SIPA1L1: variants seen among roughly 807,000 people sequenced by gnomAD.
SIPA1L1 encodes signal-induced proliferation-associated 1-like protein 1.
SIPA1L1 carries 26 observed loss-of-function variants against 162.7 expected under a neutral mutation model. The observed-to-expected ratio is 0.16, with a 90% CI of 0.12 to 0.22. The LOEUF (loss-of-function observed/expected upper bound fraction) is 0.22, where lower values mean the gene tolerates loss of function less well. Ranked by LOEUF, SIPA1L1 falls within the 10% of genes least tolerant of loss-of-function variation. The pLI is 1.00. For synonymous variants in SIPA1L1, 829 were observed against 837.4 expected, an observed-to-expected ratio of 0.99 and a Z score of 0.17; for missense variants, 1,874 against 2,241.0, an observed-to-expected ratio of 0.84 and a Z score of 3.31.
chr14:71,553,294 T>C (rs1316119563), intron 4 of SIPA1L1, among the ~76,000 whole-genome samples: 1 of 152,222 alleles, frequency 6.6e-6, no homozygotes, highest in Non-Finnish European at 1.5e-5. Flanking sequence ...TTTCTATAAT[T>C]CCACAGTACA....
chr14:71,511,666 G>C (rs1471734043), intron 2 of SIPA1L1, among the ~76,000 whole-genome samples: 1 of 152,128 alleles, frequency 6.6e-6, no homozygotes, highest in Admixed American at 6.6e-5. Flanking sequence ...TGACCTCTCA[G>C]GAGTGATAAG....
chr14:71,669,260 A>G (rs539046023), intron 10 of SIPA1L1, among the ~76,000 whole-genome samples: 13 of 152,304 alleles, frequency 8.5e-5, no homozygotes, highest in African/African-American at 3.1e-4. Flanking sequence ...AATTATTGGT[A>G]GGTTTTCAGT....
chr14:71,655,049 A>T (rs934229036), intron 8 of SIPA1L1, among the ~76,000 whole-genome samples: 1 of 152,146 alleles, frequency 6.6e-6, no homozygotes, highest in Non-Finnish European at 1.5e-5. Flanking sequence ...TCTATTAGCC[A>T]AATAGTGAGC....
intron 4 of SIPA1L1, among the ~76,000 whole-genome samples, chr14:71,585,733 T>C (rs952139025): frequency 3.3e-5 from 5 of 152,194 alleles, no homozygotes; most frequent in African/African-American, 1.2e-4. Context: ...TTGTGAGAAA[T>C]GTTGAAAGCA....
At chr14:71,699,949 G>C (rs928700839) in intron 14 of SIPA1L1, among the ~76,000 whole-genome samples, 17 of 152,152 alleles carry the variant, frequency 1.1e-4, no homozygotes, top group African/African-American at 3.9e-4. Flanking sequence ...ACTACTAAAT[G>C]CTTCTCTGAA....
intron 4 of SIPA1L1, among the ~76,000 whole-genome samples, chr14:71,549,783 C>T (rs2093293461): frequency 6.6e-6 from 1 of 152,160 alleles, no homozygotes. Context: ...TTGTTGACTC[C>T]ATTTCTTATG....
At chr14:71,683,018 G>A (rs902638014) in intron 12 of SIPA1L1, among the ~76,000 whole-genome samples, 5 of 152,122 alleles carry the variant, frequency 3.3e-5, no homozygotes, top group African/African-American at 1.2e-4. Context: ...GCTGAGCGTG[G>A]CAGTGCACAC....
intron 2 of SIPA1L1, among the ~76,000 whole-genome samples, chr14:71,327,995 T>C (rs2140230354): frequency 6.6e-6 from 1 of 152,344 alleles, no homozygotes; most frequent in South Asian, 2.1e-4. Flanking sequence ...GTTCCTAAAC[T>C]GTGTCTCTTT....
At chr14:71,465,680 C>CT (rs1004479418) in intron 2 of SIPA1L1, among the ~76,000 whole-genome samples, 1 of 152,164 alleles carries the variant, frequency 6.6e-6, no homozygotes, top group African/African-American at 2.4e-5. Context: ...CATTCTGTTT[C>CT]TTTAGAACCA....
intron 15 of SIPA1L1, chr14:71,704,930 C>T: frequency 1.5e-6 from 1 of 661,338 alleles, no homozygotes; most frequent in Non-Finnish European, 2.6e-6. Flanking sequence ...TTCCCCCAAA[C>T]CAAAAGTTGA....
At chr14:71,676,070 A>G (rs565287534) in intron 12 of SIPA1L1, among the ~76,000 whole-genome samples, 11 of 137,724 alleles carry the variant, frequency 8.0e-5, no homozygotes, top group Non-Finnish European at 1.6e-4. Flanking sequence ...CAGCCTGAGC[A>G]ACATGGTGAG....
intron 2 of SIPA1L1, among the ~76,000 whole-genome samples, chr14:71,453,034 A>C (rs185963413): frequency 1.2e-3 from 180 of 152,306 alleles, no homozygotes; most frequent in African/African-American, 4.1e-3. Flanking sequence ...ATCCAATTTA[A>C]TGACTTTCTG....
intron 2 of SIPA1L1, among the ~76,000 whole-genome samples, chr14:71,476,853 A>ATT (rs959231701): frequency 6.7e-6 from 1 of 150,042 alleles, no homozygotes; most frequent in Admixed American, 6.6e-5. Flanking sequence ...AATTTTTTGT[A>ATT]TTTTTTTTTA....
chr14:71,625,302 C>CT (rs550881711), intron 7 of SIPA1L1, among the ~76,000 whole-genome samples: 433 of 142,580 alleles, frequency 3.0e-3, no homozygotes, highest in East Asian at 4.4e-3. Context: ...TCTCTCTTCT[C>CT]TTTTTTTTTT....
At chr14:71,375,935 C>A (rs1166794947) in intron 2 of SIPA1L1, among the ~76,000 whole-genome samples, 1 of 151,960 alleles carries the variant, frequency 6.6e-6, no homozygotes, top group East Asian at 1.9e-4. Context: ...TCATGGTATA[C>A]CTTTTTATAT....
chr14:71,639,895 T>G (rs2041532518), intron 7 of SIPA1L1, among the ~76,000 whole-genome samples: 1 of 141,840 alleles, frequency 7.1e-6, no homozygotes, highest in Non-Finnish European at 1.6e-5. Context: ...CTTGACTTTT[T>G]GGGTTTTTTT....
chr14:71,504,986 T>G lies in SIPA1L1; in HGVS notation c.-464-7757T>G, dbSNP rs552041830. On this transcript the variant is annotated intron_variant, in intron 2 of 23. Coordinates refer to ENST00000381232, the MANE Select transcript of SIPA1L1 (RefSeq NM_001386936.1). ...GCTTTTTGGGAGCAATGAAAAGCCA[T>G]GTTGTGCTTCATGTAACCTGAGTTC... is the stretch of plus-strand genomic sequence containing the variant. Among the ~76,000 whole-genome samples, 3 of 152,316 alleles carry G rather than the reference T, an allele frequency of 2.0e-5. No individual in the cohort carries two copies. In the South Asian group the frequency reaches 6.2e-4, roughly 32 times the overall value.
chr14:71,427,679 C>T (rs530355268), intron 2 of SIPA1L1, among the ~76,000 whole-genome samples: 1 of 152,170 alleles, frequency 6.6e-6, no homozygotes, highest in Non-Finnish European at 1.5e-5. Flanking sequence ...CTTTCTTCTG[C>T]ATCCTCAAAT....
chr14:71,409,235 G>T (rs946587804), intron 2 of SIPA1L1, among the ~76,000 whole-genome samples: 1 of 152,174 alleles, frequency 6.6e-6, no homozygotes, highest in Non-Finnish European at 1.5e-5. Context: ...CCAGGTGAGT[G>T]TAGAACTCTT....
Sources: allele counts gnomAD v4.1 joint callset (sites outside exome capture counted in the v4.1 genomes callset), GRCh38; gene constraint gnomAD v4.1.1; transcripts MANE v1.5; gene names NCBI Gene and HGNC (gene_info 2026-07-23, HGNC 2026-07-21).